Variants in MACROD2 observed in about 807,000 individuals in gnomAD.
MACROD2 encodes mono-ADP ribosylhydrolase 2.
Under a neutral mutation model 70.4 loss-of-function variants are expected in MACROD2, and 36 were observed. The ratio of observed to expected loss-of-function variants is 0.51; its 90% CI spans 0.39 to 0.68. The LOEUF (loss-of-function observed/expected upper bound fraction) is 0.68. Ranked by LOEUF, MACROD2 falls within the 30% of genes least tolerant of loss-of-function variation. The pLI, the probability that MACROD2 is intolerant of heterozygous loss-of-function variation, is 0.00. For synonymous variants in MACROD2, 172 were observed against 178.8 expected (o/e 0.96, Z 0.30); for missense variants, 496 against 538.4 (o/e 0.92, Z 0.78).
At chr20:15,451,215 G>A (rs2046636465) in intron 7 of MACROD2, among the ~76,000 whole-genome samples, 1 of 151,882 alleles carries the variant, frequency 6.6e-6, no homozygotes, top group Non-Finnish European at 1.5e-5. Flanking sequence ...GGAGTCAGAG[G>A]TATGCTTCTC....
intron 3 of MACROD2, among the ~76,000 whole-genome samples, chr20:14,228,284 A>C (rs1053297602): frequency 3.3e-5 from 5 of 151,970 alleles, no homozygotes; most frequent in African/African-American, 1.2e-4. Flanking sequence ...ATATCTTTAT[A>C]TCCAATAATT....
At chr20:14,497,660 A>T (rs1482405818) in intron 4 of MACROD2, among the ~76,000 whole-genome samples, 2 of 151,736 alleles carry the variant, frequency 1.3e-5, no homozygotes, top group Non-Finnish European at 2.9e-5. Context: ...TTGAGGGATA[A>T]TGCTAGACAT....
chr20:14,381,777 AAG>A (rs917186707), intron 3 of MACROD2, among the ~76,000 whole-genome samples: 25 of 152,170 alleles, frequency 1.6e-4, no homozygotes, highest in African/African-American at 5.6e-4. Flanking sequence ...CTTCAATAAA[AAG>A]AAAAATTCTA....
chr20:15,010,975 A>T (rs2075078354), intron 5 of MACROD2, among the ~76,000 whole-genome samples: 1 of 152,148 alleles, frequency 6.6e-6, no homozygotes, highest in Admixed American at 6.5e-5. Flanking sequence ...GACATCCTCA[A>T]AGCATGCTGA....
At chr20:15,850,330 C>G (rs779546710) in intron 8 of MACROD2, among the ~76,000 whole-genome samples, 10 of 152,138 alleles carry the variant, frequency 6.6e-5, no homozygotes, top group Non-Finnish European at 1.3e-4. Context: ...TTGAGGCTGC[C>G]AGGGTGACAG....
intron 8 of MACROD2, among the ~76,000 whole-genome samples, chr20:15,764,825 G>C (rs968361549): frequency 6.6e-6 from 1 of 152,108 alleles, no homozygotes; most frequent in Non-Finnish European, 1.5e-5. Context: ...AGCACCCTCT[G>C]AATAAAGTCT....
At chr20:14,327,737 CTT>C (rs2082761465) in intron 3 of MACROD2, among the ~76,000 whole-genome samples, 1 of 152,120 alleles carries the variant, frequency 6.6e-6, no homozygotes, top group South Asian at 2.1e-4. Context: ...CATATAATCT[CTT>C]TACCTTAATG....
rs398124651 is a variant in MACROD2 at position 14,327,217 on chromosome 20, T to C, written c.272-166262T>C. 6.2e-7 allele frequency: 1 copy of C among 1,613,684 alleles called. No homozygotes were observed. The highest frequency in any genetic ancestry group is 8.5e-7 in the Non-Finnish European group (1 of 1,179,736). On this transcript the variant is annotated intron_variant, in intron 3 of 17. Coordinates refer to ENST00000684519, the MANE Select transcript of MACROD2 (RefSeq NM_001351661.2). ...ATACTTTGGGAGGTTGGTAGGAAAT[T>C]CATCTAAACTGTTGTGGTATAGGTA...
intron 5 of MACROD2, among the ~76,000 whole-genome samples, chr20:14,836,342 C>A (rs2073030136): frequency 6.6e-6 from 1 of 151,950 alleles, no homozygotes; most frequent in African/African-American, 2.4e-5. Flanking sequence ...TCCTGTAGCA[C>A]AAATTCGTTA....
intron 4 of MACROD2, among the ~76,000 whole-genome samples, chr20:14,564,983 C>T (rs898251878): frequency 6.6e-6 from 1 of 151,860 alleles, no homozygotes; most frequent in Admixed American, 6.6e-5. Context: ...ATATATATAC[C>T]ATGGAATACT....
At chr20:15,148,253 G>A (rs942490840) in intron 5 of MACROD2, among the ~76,000 whole-genome samples, 2 of 151,790 alleles carry the variant, frequency 1.3e-5, no homozygotes, top group South Asian at 4.1e-4. Context: ...ATTGTGGGGG[G>A]TTGTTAGAAG....
intron 4 of MACROD2, among the ~76,000 whole-genome samples, chr20:14,532,781 G>C (rs2085322413): frequency 6.6e-6 from 1 of 152,154 alleles, no homozygotes; most frequent in Non-Finnish European, 1.5e-5. Context: ...ATATTGCTCA[G>C]AGTGCTGAAT....
intron 9 of MACROD2, among the ~76,000 whole-genome samples, chr20:15,878,148 G>A (rs1056072434): frequency 6.6e-6 from 1 of 151,968 alleles, no homozygotes. Flanking sequence ...CAGCTGCATG[G>A]TAGCTGAGTG....
At chr20:15,180,501 AT>A (rs2076492855) in intron 5 of MACROD2, among the ~76,000 whole-genome samples, 1 of 152,146 alleles carries the variant, frequency 6.6e-6, no homozygotes. Flanking sequence ...ATTCCCCTTT[AT>A]TTCATTTGCA....
intron 6 of MACROD2, among the ~76,000 whole-genome samples, chr20:15,251,795 A>G (rs2077157998): frequency 6.6e-6 from 1 of 152,168 alleles, no homozygotes; most frequent in Non-Finnish European, 1.5e-5. Context: ...TTAAATGTTT[A>G]AATTGAGAAA....
intron 5 of MACROD2, among the ~76,000 whole-genome samples, chr20:15,125,805 A>G (rs969279486): frequency 5.9e-5 from 9 of 151,864 alleles, no homozygotes; most frequent in African/African-American, 2.2e-4. Flanking sequence ...AACTTGCATC[A>G]TTCTCCAAAA....
At chr20:15,568,911 A>T (rs945616282) in intron 8 of MACROD2, among the ~76,000 whole-genome samples, 4 of 152,142 alleles carry the variant, frequency 2.6e-5, no homozygotes, top group Non-Finnish European at 5.9e-5. Flanking sequence ...GAACACCAGG[A>T]TTTTAGAATC....
chr20:15,866,533 C>T (rs966847860), intron 9 of MACROD2, among the ~76,000 whole-genome samples: 6 of 151,846 alleles, frequency 4.0e-5, no homozygotes, highest in African/African-American at 1.5e-4. Flanking sequence ...GCATGAAAAA[C>T]GAGGATTCAG....
At chr20:15,278,050 G>A (rs1206582235) in intron 6 of MACROD2, among the ~76,000 whole-genome samples, 1 of 152,174 alleles carries the variant, frequency 6.6e-6, no homozygotes, top group Non-Finnish European at 1.5e-5. Context: ...TATATGTATA[G>A]CAGAATAAAA....
Sources: gnomAD v4.1 joint callset for allele counts (sites outside exome capture counted in the v4.1 genomes callset) on GRCh38, gnomAD v4.1.1 for gene constraint, MANE v1.5 for transcripts, NCBI Gene and HGNC (gene_info 2026-07-23, HGNC 2026-07-21) for gene names.